EHD3: variants seen among roughly 807,000 people sequenced by gnomAD.
The protein encoded by EHD3 is EH domain-containing protein 3.
A neutral mutation model predicts 43.0 loss-of-function variants in EHD3; 17 were observed. That is an observed-to-expected ratio of 0.40 (90% CI 0.27 to 0.59). EHD3 has a LOEUF of 0.59. Ranked by LOEUF, EHD3 falls within the 20% of genes least tolerant of loss-of-function variation. EHD3 has a pLI of 0.49. For missense variants in EHD3, 594 were observed against 705.6 expected (o/e 0.84, Z 1.79); for synonymous variants, 313 against 289.5 (o/e 1.08, Z -0.82).
At chr2:31,244,593 C>A in intron 2 of EHD3, 143 bp downstream of exon 2, 1 of 941,414 alleles carries the variant, frequency 1.1e-6, no homozygotes, top group Non-Finnish European at 1.5e-6. Context: ...TTGTCCCTTG[C>A]TTGCTGAGAG....
chr2:31,236,131 C>T (rs1419509914), intron 1 of EHD3, among the ~76,000 whole-genome samples: 1 of 152,216 alleles, frequency 6.6e-6, no homozygotes, highest in African/African-American at 2.4e-5. Context: ...CTAATTTTCT[C>T]TAACATCCAC....
chr2:31,254,368 G>A (rs1400037302), intron 3 of EHD3, among the ~76,000 whole-genome samples: 1 of 152,144 alleles, frequency 6.6e-6, no homozygotes, highest in African/African-American at 2.4e-5. Flanking sequence ...GCACTTAAAG[G>A]CCTCTGGGTC....
chr2:31,243,208 G>GT (rs1435218031), intron 1 of EHD3, among the ~76,000 whole-genome samples: 2 of 152,120 alleles, frequency 1.3e-5, no homozygotes, highest in African/African-American at 4.8e-5. Context: ...AACCTGGGAG[G>GT]TGGAGGTTGT....
rs770234519 is a variant in EHD3 at position 31,258,950 on chromosome 2, A to ACAGT, written c.503-1556_503-1553dup. 1.7e-4 allele frequency among the ~76,000 whole-genome samples: 26 copies of ACAGT among 152,328 alleles called. No homozygotes were observed. The East Asian group carries it at 1.9e-3, about 11-fold the overall frequency. ...GGCTAAGTCAGGACCCCTGTTAAAGACAGTCAGAGCTTCTTAAGTCTGACT... is the reference window on the plus strand; with the variant it reads ...GGCTAAGTCAGGACCCCTGTTAAAGACAGTCAGTCAGAGCTTCTTAAGTCTGACT... On this transcript the variant is annotated intron_variant, in intron 3 of 5. Coordinates refer to ENST00000322054, the MANE Select transcript of EHD3 (RefSeq NM_014600.3).
chr2:31,234,903 C>T (rs1683295124), intron 1 of EHD3, 55 bp downstream of exon 1: 8 of 1,540,568 alleles, frequency 5.2e-6, no homozygotes, highest in Non-Finnish European at 6.3e-6. Flanking sequence ...CCTAGTCCCT[C>T]CGGTCACTCC....
At chr2:31,262,054 TGA>T (rs1683868718) in intron 5 of EHD3, among the ~76,000 whole-genome samples, 1 of 152,236 alleles carries the variant, frequency 6.6e-6, no homozygotes. Flanking sequence ...ATGGGTCACC[TGA>T]CCAAGGTTCT....
Position 31,234,605 on chromosome 2 carries a change from G to A in EHD3, c.-17G>A. The A allele has an allele frequency of 1.9e-6, 3 of 1,612,658 alleles. No homozygotes were observed. Among genetic ancestry groups the A allele is most frequent in the Non-Finnish European group, 1.7e-6 (2 of 1,179,742 alleles). ...TCTTCCCCTGGGGCTGCGTGCCGGG[G>A]GCGAGCGGCGGCCGCGATGTTCAGC... is the stretch of plus-strand genomic sequence containing the variant. On this transcript the variant is annotated 5_prime_UTR_variant, in exon 1 of 6. Coordinates refer to ENST00000322054, the MANE Select transcript of EHD3 (RefSeq NM_014600.3).
chr2:31,266,761 T>TGC lies in EHD3; in HGVS notation c.*57_*58insGC, dbSNP rs1683960607. 9.2e-7 allele frequency: 1 copy of TGC among 1,086,042 alleles called. No homozygotes were observed. 67.3% of individuals were successfully genotyped at this position (1,086,042 alleles called of 1,614,324 possible). A position where few individuals can be genotyped will look rare whatever the true frequency, so the allele number is the denominator to read the frequency against. ...TAGAGGAGGAGATGGGAGCGGTGAC[T>TGC]ACACACACACACACACACACACACA... is the stretch of plus-strand genomic sequence containing the variant. On this transcript the variant is annotated 3_prime_UTR_variant, in exon 6 of 6. Coordinates refer to ENST00000322054, the MANE Select transcript of EHD3 (RefSeq NM_014600.3). This position sits in a 1 kb window ranked among gnomAD's most constrained non-coding sequence, Gnocchi z 5.1.
chr2:31,260,337 A>G lies in EHD3; in HGVS notation c.503-173A>G, dbSNP rs1456767930. ...AGTATTTTTAGACGAAAAAAATTCT[A>G]TGAGACATTGAGTAATTTGCTGGAG... On this transcript the variant is annotated intron_variant, in intron 3 of 5. Coordinates refer to ENST00000322054, the MANE Select transcript of EHD3 (RefSeq NM_014600.3). This position sits in a 1 kb window ranked among gnomAD's most constrained non-coding sequence, Gnocchi z 4.6. Among the ~76,000 whole-genome samples the G allele has an allele frequency of 2.6e-5, 4 of 152,228 alleles. No individual in the cohort carries two copies. The highest frequency in any genetic ancestry group is 4.4e-5 in the Non-Finnish European group (3 of 68,050).
intron 3 of EHD3, among the ~76,000 whole-genome samples, chr2:31,254,021 G>C (rs1033552166): frequency 2.0e-5 from 3 of 152,250 alleles, no homozygotes; most frequent in Non-Finnish European, 2.9e-5. Context: ...AGGAAAGCAG[G>C]GCGGGGCTTT....
intron 1 of EHD3, among the ~76,000 whole-genome samples, chr2:31,237,103 C>T (rs3820924): frequency 0.55 from 83,040 of 151,986 alleles, 23,719 homozygotes; most frequent in East Asian, 0.75. Context: ...TGTCAGCCAG[C>T]GCTGTAGGAG....
rs1462893831 is a variant in EHD3 at position 31,234,744 on chromosome 2, C to G, written c.123C>G (p.Arg41=). ...SKLLPLEEHY[R]FHEFHSPALE... is the part of the protein sequence containing the mutation. ...TGCTGCCCTTGGAAGAGCATTACCG[C>G]TTCCACGAGTTCCACTCGCCCGCCC... Residue 41 remains arginine, a synonymous_variant, in exon 1 of 6, where the codon CGC becomes CGG. Coordinates refer to ENST00000322054, the MANE Select transcript of EHD3 (RefSeq NM_014600.3). The G allele has an allele frequency of 9.3e-6, 15 of 1,614,116 alleles. No homozygotes were observed. The highest frequency in any genetic ancestry group is 1.2e-5 in the Non-Finnish European group (14 of 1,180,052).
chr2:31,244,996 G>A (rs1016465397), intron 2 of EHD3, among the ~76,000 whole-genome samples: 8 of 152,208 alleles, frequency 5.3e-5, no homozygotes. Flanking sequence ...TCATGATGAT[G>A]TGAATGGAGA....
Position 31,265,390 on chromosome 2 carries a change from T to C in EHD3, c.1081-787T>C, listed in dbSNP as rs183684127. 5.5e-4 allele frequency among the ~76,000 whole-genome samples: 84 copies of C among 152,328 alleles called. 1 individual carries two copies. The highest frequency in any genetic ancestry group is 5.4e-3 in the Admixed American group (83 of 15,300). ...ACCACAAACACATAATGCGTTGTGT[T>C]GTGTACAGTAGCTACAATGTCACCA... On this transcript the variant is annotated intron_variant, in intron 5 of 5. Transcript: ENST00000322054.
chr2:31,239,815 G>A (rs1170850462), intron 1 of EHD3, among the ~76,000 whole-genome samples: 1 of 148,154 alleles, frequency 6.7e-6, no homozygotes, highest in Non-Finnish European at 1.5e-5. Context: ...CGCGCATGGG[G>A]CTTTATCATT....
intron 5 of EHD3, among the ~76,000 whole-genome samples, chr2:31,263,083 C>T (rs1683884508): frequency 6.6e-6 from 1 of 152,124 alleles, no homozygotes; most frequent in Non-Finnish European, 1.5e-5. Flanking sequence ...TTTTTAGTTT[C>T]CTATCCGGCA....
In EHD3 at chr2:31,252,447, A is replaced by G. The variant is rs141203948; in HGVS notation, c.502+2979A>G. 3.3e-3 allele frequency among the ~76,000 whole-genome samples: 505 copies of G among 151,702 alleles called. 5 individuals carry two copies. Among genetic ancestry groups the G allele is most frequent in the African/African-American group, 0.011 (465 of 41,310 alleles). On this transcript the variant is annotated intron_variant, in intron 3 of 5. Transcript: ENST00000322054. ...TCCTATCCTATTCTATTCTTTTCCT[A>G]TTTCTGTTTTTGTTGTTGTTGTTGT... is the stretch of plus-strand genomic sequence containing the variant.
chr2:31,266,807 C>T lies in EHD3; in HGVS notation c.*103C>T. ...ACACACACACACAAACATGCACACACACATATGCATATCTTGACATTGCTC... is the reference window on the plus strand; with the variant it reads ...ACACACACACACAAACATGCACACATACATATGCATATCTTGACATTGCTC... On this transcript the variant is annotated 3_prime_UTR_variant, in exon 6 of 6. Transcript: ENST00000322054. The surrounding 1 kb of genome is among the most constrained non-coding windows in gnomAD (Gnocchi z 5.1). 1 of 1,332,962 alleles carries T rather than the reference C, an allele frequency of 7.5e-7. No homozygotes were observed. The highest frequency in any genetic ancestry group is 1.4e-5 in the South Asian group (1 of 69,432). 82.6% of individuals were successfully genotyped at this position (1,332,962 alleles called of 1,614,324 possible).
Position 31,244,421 on chromosome 2 carries a change from C to T in EHD3, c.375C>T (p.Leu125=). The T allele has an allele frequency of 6.2e-7, 1 of 1,614,128 alleles. No homozygotes were observed. The highest frequency in any genetic ancestry group is 8.5e-7 in the Non-Finnish European group (1 of 1,180,000). ...VVDPKKPFRK[L]NAFGNAFLNR... ...ATCCCAAGAAACCCTTCAGGAAACT[C>T]AACGCCTTTGGCAACGCCTTCTTGA... The change falls in exon 2 of 6, where the codon CTC becomes CTT. Residue 125 remains leucine, a synonymous_variant. Coordinates refer to ENST00000322054, the MANE Select transcript of EHD3 (RefSeq NM_014600.3).
Sources: allele counts gnomAD v4.1 joint callset (sites outside exome capture counted in the v4.1 genomes callset), GRCh38; gene constraint gnomAD v4.1.1; non-coding constraint Gnocchi (gnomAD v3.1); transcripts MANE v1.5; gene names NCBI Gene and HGNC (gene_info 2026-07-23, HGNC 2026-07-21).